The following RGS21 variants were observed in gnomAD, a reference collection of about 807,000 sequenced individuals.
RGS21 encodes the protein regulator of G protein signaling 21.
A neutral mutation model predicts 18.7 loss-of-function variants in RGS21; 19 were observed. That is an observed-to-expected ratio of 1.01 (90% CI 0.71 to 1.49). The LOEUF is 1.49. Ranked by LOEUF, RGS21 falls within the 40% of genes most tolerant of loss-of-function variation. The pLI, the probability that RGS21 is intolerant of heterozygous loss-of-function variation, is 0.00. For synonymous variants in RGS21, 56 were observed against 57.8 expected (o/e 0.97, Z 0.14); for missense variants, 194 against 176.8 (o/e 1.10, Z -0.55).
chr1:192,326,016 C>T (rs183264005), intron 1 of RGS21, among the ~76,000 whole-genome samples: 201 of 152,054 alleles, frequency 1.3e-3, no homozygotes, highest in Non-Finnish European at 1.7e-3. Context: ...TAATTATTTA[C>T]ATTATTAAGA....
intron 4 of RGS21, among the ~76,000 whole-genome samples, chr1:192,360,787 A>C (rs1659177909): frequency 6.6e-6 from 1 of 152,226 alleles, no homozygotes; most frequent in African/African-American, 2.4e-5. Flanking sequence ...TCCATGTGCA[A>C]GTCTCCTTTT....
chr1:192,334,971 A>G (rs1483722873), intron 1 of RGS21, among the ~76,000 whole-genome samples: 1 of 152,114 alleles, frequency 6.6e-6, no homozygotes, highest in Non-Finnish European at 1.5e-5. Context: ...CATGTATTTC[A>G]TATACTCTTC....
intron 3 of RGS21, among the ~76,000 whole-genome samples, chr1:192,350,578 G>C (rs1183519785): frequency 6.6e-6 from 1 of 152,178 alleles, no homozygotes; most frequent in Non-Finnish European, 1.5e-5. Context: ...GGCAGGTGGA[G>C]GAGAAAACCA....
At chr1:192,342,174 C>A (rs2102229647) in intron 1 of RGS21, among the ~76,000 whole-genome samples, 1 of 152,080 alleles carries the variant, frequency 6.6e-6, no homozygotes, top group South Asian at 2.1e-4. Context: ...GTCAATCTTT[C>A]AAGAGTTTTT....
chr1:192,328,620 A>C (rs1489151297), intron 1 of RGS21, among the ~76,000 whole-genome samples: 1 of 152,218 alleles, frequency 6.6e-6, no homozygotes, highest in African/African-American at 2.4e-5. Context: ...TGCAAAAGCA[A>C]ATAGGTAAAG....
chr1:192,352,577 T>C (rs1557980522), intron 4 of RGS21, among the ~76,000 whole-genome samples: 1 of 152,104 alleles, frequency 6.6e-6, no homozygotes, highest in Non-Finnish European at 1.5e-5. Flanking sequence ...TTTGCTAAAC[T>C]AGGAATTAGA....
chr1:192,345,346 T>C (rs1449782105), intron 2 of RGS21, among the ~76,000 whole-genome samples: 1 of 152,104 alleles, frequency 6.6e-6, no homozygotes, highest in Non-Finnish European at 1.5e-5. Context: ...GAACACTCTA[T>C]GCCTTTGAAG....
At chr1:192,341,521 C>G (rs888990152) in intron 1 of RGS21, among the ~76,000 whole-genome samples, 3 of 152,060 alleles carry the variant, frequency 2.0e-5, no homozygotes, top group Non-Finnish European at 2.9e-5. Context: ...CTCACCTGCT[C>G]ATTGTATTAT....
intron 1 of RGS21, among the ~76,000 whole-genome samples, chr1:192,341,037 G>A (rs1419128469): frequency 2.0e-5 from 3 of 151,986 alleles, no homozygotes; most frequent in Non-Finnish European, 2.9e-5. Context: ...CAAGATATTG[G>A]CAGGGCTGCA....
intron 2 of RGS21, among the ~76,000 whole-genome samples, chr1:192,345,701 C>T (rs1658935330): frequency 6.6e-6 from 1 of 152,058 alleles, no homozygotes; most frequent in Non-Finnish European, 1.5e-5. Context: ...CCTCTCTATC[C>T]TATTCATTAG....
chr1:192,322,170 C>G (rs146856779), intron 1 of RGS21, among the ~76,000 whole-genome samples: 1 of 151,518 alleles, frequency 6.6e-6, no homozygotes, highest in South Asian at 2.1e-4. Flanking sequence ...GAAAGGTATA[C>G]TCAGTTCCTT....
chr1:192,359,655 G>GTATATATATATATATATATATATATA (rs10638712), intron 4 of RGS21, among the ~76,000 whole-genome samples: 33 of 124,250 alleles, frequency 2.7e-4, no homozygotes, highest in African/African-American at 8.6e-4. Flanking sequence ...GTGTGTGTGT[G>GTATATATATATATATATATATATATA]TATATATATA....
intron 4 of RGS21, among the ~76,000 whole-genome samples, chr1:192,355,280 C>T (rs1037918125): frequency 2.0e-5 from 3 of 151,622 alleles, no homozygotes; most frequent in African/African-American, 7.2e-5. Flanking sequence ...GGGTTTACAT[C>T]ATGCAGAACG....
chr1:192,347,465 A>G (rs1658969653), intron 3 of RGS21, 76 bp downstream of exon 3: 5 of 726,270 alleles, frequency 6.9e-6, no homozygotes, highest in Admixed American at 2.0e-5. Context: ...TTGGTAACAT[A>G]TCATAAAGTA....
chr1:192,338,272 T>C (rs1658802293), intron 1 of RGS21, among the ~76,000 whole-genome samples: 1 of 152,114 alleles, frequency 6.6e-6, no homozygotes, highest in South Asian at 2.1e-4. Flanking sequence ...TAGCAGTAAC[T>C]TGAGGCAAAG....
At chr1:192,342,497 T>C (rs979156074) in intron 1 of RGS21, among the ~76,000 whole-genome samples, 3 of 151,940 alleles carry the variant, frequency 2.0e-5, no homozygotes, top group Non-Finnish European at 4.4e-5. Context: ...TTTTAGTTCA[T>C]GAATAAAATT....
intron 3 of RGS21, among the ~76,000 whole-genome samples, chr1:192,347,987 T>C (rs1324592711): frequency 1.3e-5 from 2 of 149,850 alleles, no homozygotes; most frequent in Non-Finnish European, 3.0e-5. Context: ...TGTGTGTGTG[T>C]GTGTATACAC....
chr1:192,339,709 T>C (rs986545007), intron 1 of RGS21, among the ~76,000 whole-genome samples: 9 of 152,168 alleles, frequency 5.9e-5, no homozygotes, highest in Non-Finnish European at 1.2e-4. Flanking sequence ...ACTATACTTT[T>C]TAAAAAAATT....
chr1:192,328,288 ACC>A (rs1658597714), intron 1 of RGS21, among the ~76,000 whole-genome samples: 1 of 152,184 alleles, frequency 6.6e-6, no homozygotes, highest in South Asian at 2.1e-4. Context: ...AAAATATATC[ACC>A]TCAATTTACA....
Sources: gnomAD v4.1 joint callset for allele counts (sites outside exome capture counted in the v4.1 genomes callset) on GRCh38, gnomAD v4.1.1 for gene constraint, MANE v1.5 for transcripts, NCBI Gene and HGNC (gene_info 2026-07-23, HGNC 2026-07-21) for gene names.